The following HNRNPLL variants were observed in gnomAD, a reference collection of about 807,000 sequenced individuals.
HNRNPLL encodes heterogeneous nuclear ribonucleoprotein L like.
A neutral mutation model predicts 67.1 loss-of-function variants in HNRNPLL; 25 were observed. The observed-to-expected ratio is 0.37, with a 90% CI of 0.27 to 0.52. The LOEUF (loss-of-function observed/expected upper bound fraction) is 0.52. Among genes scored for constraint, HNRNPLL ranks in the 20% least tolerant of loss-of-function variants. The probability of loss-of-function intolerance (pLI) is 0.90; values close to 1 mark genes in which losing one functional copy is unlikely to be tolerated. For missense variants in HNRNPLL, 542 were observed against 673.9 expected, an observed-to-expected ratio of 0.80 and a Z score of 2.17; for synonymous variants, 267 against 241.7, an observed-to-expected ratio of 1.10 and a Z score of -0.97.
chr2:38,575,818 T>C (rs1268841467), intron 7 of HNRNPLL, among the ~76,000 whole-genome samples: 2 of 151,814 alleles, frequency 1.3e-5, no homozygotes, highest in Non-Finnish European at 3.0e-5. Context: ...TCAATATCAC[T>C]AGCACACATC....
At position 38,591,510 on chromosome 2, in the gene HNRNPLL, G is replaced by T. The variant is rs777869748; in HGVS notation, c.308+20C>A. 1.3e-5 allele frequency: 15 copies of T among 1,195,754 alleles called. No homozygotes were observed. The highest frequency in any genetic ancestry group is 1.9e-5 in the Non-Finnish European group (15 of 798,082). 74.1% of individuals were successfully genotyped at this position (1,195,754 alleles called of 1,614,324 possible). On this transcript the variant is annotated intron_variant, in intron 2 of 12. Coordinates refer to ENST00000449105, the MANE Select transcript of HNRNPLL (RefSeq NM_138394.4). ...TTCTACCACAGTTTTCAATCTACAT[G>T]AAGTCCCTATCATCCTTACCATATT...
chr2:38,566,879 A>T (rs1665883809), intron 12 of HNRNPLL, among the ~76,000 whole-genome samples: 1 of 151,934 alleles, frequency 6.6e-6, no homozygotes, highest in Non-Finnish European at 1.5e-5. Context: ...TGCAACTATA[A>T]GGATGTTTAT....
chr2:38,566,697 C>T (rs188696189), intron 12 of HNRNPLL, among the ~76,000 whole-genome samples: 95 of 151,676 alleles, frequency 6.3e-4, no homozygotes, highest in African/African-American at 2.2e-3. Context: ...GAAAGTGCAA[C>T]TATTGACCAG....
At chr2:38,566,133 C>T (rs1229636396) in intron 12 of HNRNPLL, 9 of 968,088 alleles carry the variant, frequency 9.3e-6, no homozygotes, top group Non-Finnish European at 1.1e-5. Flanking sequence ...CTTCGGAAGG[C>T]GGAGGTGGGC....
chr2:38,598,256 T>A (rs78781833), intron 1 of HNRNPLL, among the ~76,000 whole-genome samples: 5,246 of 152,234 alleles, frequency 0.034, 312 homozygotes, highest in African/African-American at 0.12. Flanking sequence ...AAATACGGGC[T>A]GGGAAAGAGA....
At position 38,582,388 on chromosome 2, in the gene HNRNPLL, G is replaced by A. The variant is rs118178216; in HGVS notation, c.633-220C>T. 2.3e-3 allele frequency among the ~76,000 whole-genome samples: 353 copies of A among 152,216 alleles called. 7 individuals carry two copies. The East Asian group carries it at 0.05, about 22-fold the overall frequency. On this transcript the variant is annotated intron_variant, in intron 4 of 12. Transcript: ENST00000449105. ...TGCAGTGGCGCGACCTGGGCTCAAT[G>A]CAACCTCCACCTCCCGGGTTCAAGC...
intron 1 of HNRNPLL, among the ~76,000 whole-genome samples, chr2:38,594,176 A>C (rs773334267): frequency 1.3e-5 from 2 of 152,130 alleles, no homozygotes; most frequent in Non-Finnish European, 2.9e-5. Context: ...CTCCATCTCA[A>C]AAAAAAACCA....
chr2:38,600,455 G>A (rs1667382016), intron 1 of HNRNPLL, among the ~76,000 whole-genome samples: 1 of 152,066 alleles, frequency 6.6e-6, no homozygotes, highest in Admixed American at 6.6e-5. Flanking sequence ...GACCAGGTGC[G>A]GTGGCTCACG....
intron 12 of HNRNPLL, among the ~76,000 whole-genome samples, chr2:38,567,749 G>A (rs966675274): frequency 1.3e-5 from 2 of 152,136 alleles, no homozygotes; most frequent in African/African-American, 4.8e-5. Flanking sequence ...AAACATTGTT[G>A]ATTTATCTCT....
rs1667482543 is a variant in HNRNPLL, at chr2:38,602,450, G to A, written c.177C>T (p.Ser59=). 2 of 1,536,100 alleles carry A rather than the reference G, an allele frequency of 1.3e-6. No individual in the cohort carries two copies. The highest frequency in any genetic ancestry group is 1.7e-6 in the Non-Finnish European group (2 of 1,147,574). The change falls in exon 1 of 13, where the codon AGC becomes AGT. Residue 59 remains serine, a synonymous_variant. Coordinates refer to ENST00000449105, the MANE Select transcript of HNRNPLL (RefSeq NM_138394.4). ...GGGDGGGGGR[S]FSQPEAGGSH... ...CGCGCTTTGTTACCGGCTGAGAGAA[G>A]CTCCGGCCGCCGCCGCCGCCATCGC... is the stretch of plus-strand genomic sequence containing the variant.
chr2:38,594,210 A>C (rs72907906), intron 1 of HNRNPLL, among the ~76,000 whole-genome samples: 5,213 of 152,200 alleles, frequency 0.034, 324 homozygotes, highest in African/African-American at 0.12. Flanking sequence ...AAACAAAAAA[A>C]CCAAATGCTG....
Position 38,585,649 on chromosome 2 carries a change from T to C in HNRNPLL, c.541A>G (p.Thr181Ala). 1.3e-6 allele frequency: 2 copies of C among 1,578,464 alleles called. No homozygotes were observed. Among genetic ancestry groups the C allele is most frequent in the Non-Finnish European group, 1.7e-6 (2 of 1,147,570 alleles). Reference protein sequence around the residue: ...LSIQNPLYPITVDVLYTVCNP... With the variant: ...LSIQNPLYPIAVDVLYTVCNP... ...TGTCATATTAAAACACATACCACTG[T>C]AATTGGATAAAGCGGATTCTGAATT... The change falls in exon 3 of 13, where the codon ACA becomes GCA. Residue 181 changes from threonine to alanine, a missense_variant. Physicochemically the swap from Thr to Ala is moderately conservative, Grantham distance 58. Coordinates refer to ENST00000449105, the MANE Select transcript of HNRNPLL (RefSeq NM_138394.4).
Position 38,563,466 on chromosome 2 carries a change from G to A in HNRNPLL, c.*716C>T, listed in dbSNP as rs994820057. 6.6e-6 allele frequency: 1 copy of A among 151,988 alleles called. No individual in the cohort carries two copies. Among genetic ancestry groups the A allele is most frequent in the Non-Finnish European group, 1.5e-5 (1 of 67,942 alleles). 9.4% of individuals were successfully genotyped at this position (151,988 alleles called of 1,614,324 possible). On this transcript the variant is annotated 3_prime_UTR_variant, in exon 13 of 13. Coordinates refer to ENST00000449105, the MANE Select transcript of HNRNPLL (RefSeq NM_138394.4). ...AAAATCTCAATGCCAAATACTAGCT[G>A]TATTTAAGTCACATGCAACAAATGA...
Position 38,601,582 on chromosome 2 carries a change from T to A in HNRNPLL, c.189+856A>T, listed in dbSNP as rs975963117. On this transcript the variant is annotated intron_variant, in intron 1 of 12. Transcript: ENST00000449105. ...TCCAACTGAAGCTAACTACTTGCTG[T>A]GGACAAAATGATCACATTCCTTCTG... The A allele has an allele frequency of 2.0e-5, 3 of 152,224 alleles. No individual in the cohort carries two copies. The East Asian group carries it at 5.8e-4, about 29-fold the overall frequency. 9.4% of individuals were successfully genotyped at this position (152,224 alleles called of 1,614,324 possible).
intron 1 of HNRNPLL, among the ~76,000 whole-genome samples, chr2:38,595,798 C>T (rs757280942): frequency 2.4e-4 from 36 of 152,094 alleles, no homozygotes; most frequent in Non-Finnish European, 5.1e-4. Flanking sequence ...GAGCTGAGAT[C>T]GCGCCACTGC....
intron 3 of HNRNPLL, among the ~76,000 whole-genome samples, chr2:38,585,229 T>A (rs1666679734): frequency 6.6e-6 from 1 of 152,216 alleles, no homozygotes; most frequent in Admixed American, 6.5e-5. Context: ...AAAGACAGAT[T>A]TTTAACAAGC....
chr2:38,576,538 G>GAC (rs145329576), intron 7 of HNRNPLL, among the ~76,000 whole-genome samples: 61 of 150,928 alleles, frequency 4.0e-4, no homozygotes, highest in Middle Eastern at 6.8e-3. Flanking sequence ...GAACCTTGAA[G>GAC]ACACACACAC....
At chr2:38,572,718 A>C (rs1247681683) in intron 8 of HNRNPLL, among the ~76,000 whole-genome samples, 1 of 152,078 alleles carries the variant, frequency 6.6e-6, no homozygotes, top group East Asian at 1.9e-4. Flanking sequence ...TCAGTTTCAA[A>C]TACTGGTTGA....
intron 2 of HNRNPLL, among the ~76,000 whole-genome samples, chr2:38,588,996 G>A (rs1351458463): frequency 1.3e-5 from 2 of 152,006 alleles, no homozygotes; most frequent in East Asian, 3.9e-4. Flanking sequence ...AAAAACATAG[G>A]AGAAGACAAC....
Sources: allele counts gnomAD v4.1 joint callset (sites outside exome capture counted in the v4.1 genomes callset), GRCh38; gene constraint gnomAD v4.1.1; transcripts MANE v1.5; gene names NCBI Gene and HGNC (gene_info 2026-07-23, HGNC 2026-07-21).